CDKAL1: variants seen among roughly 807,000 people sequenced by gnomAD.
The protein encoded by CDKAL1 is CDKAL1 threonylcarbamoyladenosine tRNA methylthiotransferase.
CDKAL1 carries 32 observed loss-of-function variants against 68.2 expected under a neutral mutation model. The ratio of observed to expected loss-of-function variants is 0.47; its 90% CI spans 0.35 to 0.63. The LOEUF (loss-of-function observed/expected upper bound fraction) is 0.63. Ranked by LOEUF, CDKAL1 falls within the 30% of genes least tolerant of loss-of-function variation. CDKAL1 has a pLI of 0.00. For missense variants in CDKAL1, 606 were observed against 696.7 expected (o/e 0.87, Z 1.47); for synonymous variants, 234 against 244.3 (o/e 0.96, Z 0.39).
intron 15 of CDKAL1, among the ~76,000 whole-genome samples, chr6:21,216,140 G>A (rs965332207): frequency 3.3e-5 from 5 of 152,150 alleles, no homozygotes; most frequent in South Asian, 4.2e-4. Flanking sequence ...CTTGATTTCA[G>A]TCCATTGAGA....
At chr6:20,604,974 A>G (rs1269329704) in intron 4 of CDKAL1, among the ~76,000 whole-genome samples, 1 of 152,176 alleles carries the variant, frequency 6.6e-6, no homozygotes, top group Non-Finnish European at 1.5e-5. Context: ...ACTAGAGGAT[A>G]CAACAGTGGT....
chr6:21,158,893 G>A (rs60301539), intron 13 of CDKAL1, among the ~76,000 whole-genome samples: 1 of 151,960 alleles, frequency 6.6e-6, no homozygotes, highest in Non-Finnish European at 1.5e-5. Flanking sequence ...AAACATATAT[G>A]TACCTAATTA....
intron 4 of CDKAL1, among the ~76,000 whole-genome samples, chr6:20,644,212 A>G (rs1768326308): frequency 6.6e-6 from 1 of 151,518 alleles, no homozygotes; most frequent in Non-Finnish European, 1.5e-5. Context: ...CCCTGAGGGT[A>G]GAGATTCTAT....
intron 4 of CDKAL1, among the ~76,000 whole-genome samples, chr6:20,648,650 T>A (rs1768602910): frequency 1.3e-5 from 2 of 152,212 alleles, no homozygotes; most frequent in Non-Finnish European, 2.9e-5. Context: ...TTTATGGTAA[T>A]CCTATTTTAA....
At chr6:20,975,051 T>C (rs1350514679) in intron 10 of CDKAL1, among the ~76,000 whole-genome samples, 1 of 149,948 alleles carries the variant, frequency 6.7e-6, no homozygotes, top group African/African-American at 2.5e-5. Flanking sequence ...ACAAGAAGAC[T>C]GTTTTTAGCA....
At chr6:20,997,048 G>A (rs1363153218) in intron 10 of CDKAL1, among the ~76,000 whole-genome samples, 1 of 152,186 alleles carries the variant, frequency 6.6e-6, no homozygotes, top group Non-Finnish European at 1.5e-5. Flanking sequence ...TGATGTAGTT[G>A]TAACCCATAT....
chr6:20,547,208 A>G (rs1405557931), intron 3 of CDKAL1, among the ~76,000 whole-genome samples: 1 of 151,218 alleles, frequency 6.6e-6, no homozygotes, highest in Non-Finnish European at 1.5e-5. Context: ...TTTTTTTTTT[A>G]TTTGAATGAT....
At chr6:20,900,858 T>G (rs1438303120) in intron 9 of CDKAL1, among the ~76,000 whole-genome samples, 1 of 152,196 alleles carries the variant, frequency 6.6e-6, no homozygotes, top group Non-Finnish European at 1.5e-5. Context: ...GTAGAATATT[T>G]TATCATTGGT....
intron 10 of CDKAL1, among the ~76,000 whole-genome samples, chr6:20,965,053 G>C (rs1167494527): frequency 6.6e-6 from 1 of 152,132 alleles, no homozygotes; most frequent in African/African-American, 2.4e-5. Flanking sequence ...CCTCACACCT[G>C]TAATTCCAGG....
chr6:20,656,924 T>C (rs1011725597), intron 5 of CDKAL1, among the ~76,000 whole-genome samples: 9 of 152,168 alleles, frequency 5.9e-5, no homozygotes, highest in Admixed American at 3.9e-4. Flanking sequence ...CTTTTGATCA[T>C]CACAACTAAT....
intron 12 of CDKAL1, among the ~76,000 whole-genome samples, chr6:21,088,210 C>T (rs1772807906): frequency 6.6e-6 from 1 of 152,032 alleles, no homozygotes; most frequent in African/African-American, 2.4e-5. Context: ...CAGAGAAAAA[C>T]GGGTTCAAAA....
At chr6:20,778,710 G>T (rs903854944) in intron 7 of CDKAL1, among the ~76,000 whole-genome samples, 2 of 152,208 alleles carry the variant, frequency 1.3e-5, no homozygotes, top group African/African-American at 4.8e-5. Flanking sequence ...GACCCAAGAA[G>T]AGCCAATATT....
intron 2 of CDKAL1, among the ~76,000 whole-genome samples, chr6:20,541,960 A>G (rs1561911457): frequency 6.6e-6 from 1 of 152,328 alleles, no homozygotes; most frequent in South Asian, 2.1e-4. Flanking sequence ...GTTTCCGGCA[A>G]TTGACAGTCT....
At chr6:20,611,832 A>G (rs1766631637) in intron 4 of CDKAL1, among the ~76,000 whole-genome samples, 1 of 152,146 alleles carries the variant, frequency 6.6e-6, no homozygotes, top group African/African-American at 2.4e-5. Context: ...GCTATCAAAC[A>G]TTAGAACCTA....
chr6:20,818,473 T>A (rs1467132904), intron 8 of CDKAL1, among the ~76,000 whole-genome samples: 8 of 152,182 alleles, frequency 5.3e-5, no homozygotes, highest in African/African-American at 1.7e-4. Flanking sequence ...CTAACATAAC[T>A]TTTCTGTCTC....
chr6:20,734,215 G>A (rs1773085174), intron 5 of CDKAL1, among the ~76,000 whole-genome samples: 1 of 149,898 alleles, frequency 6.7e-6, no homozygotes, highest in Non-Finnish European at 1.5e-5. Flanking sequence ...TTTGGTTTTT[G>A]GAAGACAAGA....
At chr6:21,006,919 T>G (rs1767755730) in intron 11 of CDKAL1, among the ~76,000 whole-genome samples, 1 of 152,202 alleles carries the variant, frequency 6.6e-6, no homozygotes, top group African/African-American at 2.4e-5. Context: ...TCTTAATCTC[T>G]TGTGCATTTT....
intron 15 of CDKAL1, among the ~76,000 whole-genome samples, chr6:21,221,064 G>T (rs1236756383): frequency 6.6e-6 from 1 of 151,924 alleles, no homozygotes; most frequent in African/African-American, 2.4e-5. Context: ...CTACTCGGGA[G>T]GCTGAAGCAG....
intron 5 of CDKAL1, among the ~76,000 whole-genome samples, chr6:20,710,392 T>C (rs1018094946): frequency 3.3e-5 from 5 of 152,136 alleles, no homozygotes; most frequent in Admixed American, 1.3e-4. Context: ...ACATGCTGTA[T>C]AGATGTGTAG....
Sources: gnomAD v4.1 joint callset for allele counts (sites outside exome capture counted in the v4.1 genomes callset) on GRCh38, gnomAD v4.1.1 for gene constraint, MANE v1.5 for transcripts, NCBI Gene and HGNC (gene_info 2026-07-23, HGNC 2026-07-21) for gene names.